CCSER1: variants seen among roughly 807,000 people sequenced by gnomAD.
CCSER1 encodes the protein coiled-coil serine rich protein 1, also known as serine-rich coiled-coil domain-containing protein 1.
A neutral mutation model predicts 82.0 loss-of-function variants in CCSER1; 41 were observed. That is an observed-to-expected ratio of 0.50 (90% CI 0.39 to 0.65). The LOEUF is 0.65. Ranked by LOEUF, CCSER1 falls within the 30% of genes least tolerant of loss-of-function variation. The probability of loss-of-function intolerance (pLI) is 0.00; values close to 1 mark genes in which losing one functional copy is unlikely to be tolerated. For synonymous variants in CCSER1, 414 were observed against 383.9 expected (o/e 1.08, Z -0.92); for missense variants, 1,119 against 1,064.2 (o/e 1.05, Z -0.72).
At chr4:91,562,068 T>A (rs1762678081) in intron 10 of CCSER1, among the ~76,000 whole-genome samples, 1 of 151,462 alleles carries the variant, frequency 6.6e-6, no homozygotes, top group Non-Finnish European at 1.5e-5. Context: ...GTGAGAATTG[T>A]ACTCCACTGA....
At chr4:90,227,036 TC>T (rs1056427772) in intron 1 of CCSER1, among the ~76,000 whole-genome samples, 6 of 152,258 alleles carry the variant, frequency 3.9e-5, no homozygotes, top group East Asian at 3.9e-4. Context: ...CCCTCTTTTT[TC>T]CCCCCACAAA....
intron 10 of CCSER1, among the ~76,000 whole-genome samples, chr4:91,385,079 C>G (rs1431506602): frequency 6.6e-6 from 1 of 151,958 alleles, no homozygotes; most frequent in Admixed American, 6.6e-5. Flanking sequence ...ATTGCACTTT[C>G]AGGAATTTAT....
chr4:91,452,508 T>C lies in CCSER1; in HGVS notation c.2218-146064T>C, dbSNP rs367768156. 4.6e-5 allele frequency among the ~76,000 whole-genome samples: 7 copies of C among 152,126 alleles called. No homozygotes were observed. The East Asian group carries it at 1.2e-3, about 25-fold the overall frequency. On this transcript the variant is annotated intron_variant, in intron 10 of 10. Transcript: ENST00000509176. ...GGTGTTGACTGGCAAAGCACATATG[T>C]CAAGCAAATCTAAATGTATGTCTTT...
At chr4:90,276,302 CCTTCCTTTCTTTCTTTTTCTTT>C (rs1727759470) in intron 1 of CCSER1, among the ~76,000 whole-genome samples, 1 of 115,256 alleles carries the variant, frequency 8.7e-6, no homozygotes, top group Non-Finnish European at 1.8e-5. Flanking sequence ...TTCCTTCCTT[CCTTCCTTTCTTTCTTTTTCTTT>C]CTTTCTTTCT....
chr4:90,789,351 T>C (rs1019389449), intron 7 of CCSER1, among the ~76,000 whole-genome samples: 2 of 152,206 alleles, frequency 1.3e-5, no homozygotes, highest in Non-Finnish European at 2.9e-5. Context: ...TTTTTCTCTT[T>C]TGTTTGTTTT....
intron 7 of CCSER1, among the ~76,000 whole-genome samples, chr4:90,725,317 G>T (rs1743451345): frequency 2.0e-5 from 3 of 151,546 alleles, no homozygotes; most frequent in African/African-American, 4.8e-5. Context: ...GTTAAAAAAG[G>T]TTAGACATAT....
At chr4:91,429,512 A>C (rs973343692) in intron 10 of CCSER1, among the ~76,000 whole-genome samples, 22 of 151,944 alleles carry the variant, frequency 1.4e-4, no homozygotes, top group African/African-American at 4.6e-4. Flanking sequence ...ACCTAAATAT[A>C]CTATTTATTT....
Position 90,352,090 on chromosome 4 carries a change from C to T in CCSER1, c.1509+39043C>T, listed in dbSNP as rs184916259. 2.9e-3 allele frequency among the ~76,000 whole-genome samples: 446 copies of T among 152,158 alleles called. 4 individuals are homozygous for T. Among genetic ancestry groups the T allele is most frequent in the Non-Finnish European group, 4.3e-3 (294 of 68,000 alleles). On this transcript the variant is annotated intron_variant, in intron 3 of 10. Transcript: ENST00000509176. ...CTGTAATCCCAGCACTTTGGGAGGC[C>T]GAGCCGAGCGGATCACAAGGTCAGG...
intron 3 of CCSER1, among the ~76,000 whole-genome samples, chr4:90,319,755 G>C (rs377125105): frequency 6.6e-6 from 1 of 152,152 alleles, no homozygotes; most frequent in Non-Finnish European, 1.5e-5. Flanking sequence ...TGGCTTTGGG[G>C]AGTTAAAATA....
chr4:90,780,319 C>T lies in CCSER1; in HGVS notation c.2011-35443C>T, dbSNP rs542157739. On this transcript the variant is annotated intron_variant, in intron 7 of 10. Coordinates refer to ENST00000509176, the MANE Select transcript of CCSER1 (RefSeq NM_001145065.2). ...AAGTCTAAACATTGGTGTCCTTTTA[C>T]GCTTCCCATCTAAATTATCTTTAAG... 1.6e-4 allele frequency: 164 copies of T among 1,016,770 alleles called. No homozygotes were observed. In the South Asian group the frequency reaches 1.9e-3, roughly 12 times the overall value. 63.0% of individuals were successfully genotyped at this position (1,016,770 alleles called of 1,614,324 possible). A position where few individuals can be genotyped will look rare whatever the true frequency, so the allele number is the denominator to read the frequency against.
intron 10 of CCSER1, among the ~76,000 whole-genome samples, chr4:91,377,519 A>G (rs867973200): frequency 1.3e-5 from 2 of 152,098 alleles, no homozygotes; most frequent in African/African-American, 4.8e-5. Flanking sequence ...GCATGTTTTC[A>G]TGTATTTGTT....
intron 9 of CCSER1, among the ~76,000 whole-genome samples, chr4:90,944,333 C>A (rs1731976689): frequency 6.6e-6 from 1 of 151,712 alleles, no homozygotes; most frequent in Admixed American, 6.6e-5. Flanking sequence ...TGAGCTAATA[C>A]AAAAGACCGC....
At position 91,206,128 on chromosome 4, in the gene CCSER1, A is replaced by C. The variant is rs557455012; in HGVS notation, c.2217+120134A>C. Among the ~76,000 whole-genome samples, 11 of 152,012 alleles carry C rather than the reference A, an allele frequency of 7.2e-5. No individual in the cohort carries two copies. The East Asian group carries it at 2.1e-3, about 29-fold the overall frequency. On this transcript the variant is annotated intron_variant, in intron 10 of 10. Transcript: ENST00000509176. ...TGTTCGGGGAAGTGAACAACATATG[A>C]AAATATGGAATGAAGAGAGAGCATT... is the stretch of plus-strand genomic sequence containing the variant.
chr4:90,592,113 A>G (rs528969213), intron 5 of CCSER1, among the ~76,000 whole-genome samples: 2 of 152,292 alleles, frequency 1.3e-5, no homozygotes, highest in South Asian at 4.1e-4. Context: ...TGACCTGTTG[A>G]TAGGTGCAGG....
intron 8 of CCSER1, among the ~76,000 whole-genome samples, chr4:90,908,794 G>C (rs1301389289): frequency 6.6e-6 from 1 of 152,068 alleles, no homozygotes; most frequent in African/African-American, 2.4e-5. Context: ...GAAGGAGACT[G>C]ATGTGATCCA....
Position 90,309,606 on chromosome 4 carries a change from A to G in CCSER1, c.1322A>G (p.Lys441Arg). The change falls in exon 2 of 11, where the codon AAA becomes AGA. Residue 441 changes from lysine to arginine, a missense_variant and splice_region_variant. Coordinates refer to ENST00000509176, the MANE Select transcript of CCSER1 (RefSeq NM_001145065.2). ...TSHGYEANPA[K>R]VLASSLSPFR... ...CATGGATATGAAGCAAATCCTGCCA[A>G]AGGTATGCTGATTTTTTTTGTATAA... The G allele has an allele frequency of 1.9e-6, 3 of 1,561,522 alleles. No individual in the cohort carries two copies. The South Asian group carries it at 3.6e-5, about 19-fold the overall frequency.
At chr4:90,483,723 A>G (rs905438444) in intron 5 of CCSER1, among the ~76,000 whole-genome samples, 90 of 152,230 alleles carry the variant, frequency 5.9e-4, no homozygotes, top group African/African-American at 2.1e-3. Flanking sequence ...TGGCTTGTAG[A>G]GTTTCTGCTG....
At chr4:90,363,605 A>G (rs1411705985) in intron 3 of CCSER1, among the ~76,000 whole-genome samples, 1 of 113,636 alleles carries the variant, frequency 8.8e-6, no homozygotes, top group African/African-American at 3.7e-5. Flanking sequence ...TCAAGGGCAG[A>G]AAGAAAAAAA....
chr4:90,132,410 A>G (rs1050572881), intron 1 of CCSER1, among the ~76,000 whole-genome samples: 11 of 152,226 alleles, frequency 7.2e-5, no homozygotes, highest in Admixed American at 7.2e-4. Context: ...TCAGTTAACA[A>G]TAAAACATGA....
Sources: allele counts gnomAD v4.1 joint callset (sites outside exome capture counted in the v4.1 genomes callset), GRCh38; gene constraint gnomAD v4.1.1; transcripts MANE v1.5; gene names NCBI Gene and HGNC (gene_info 2026-07-23, HGNC 2026-07-21).